The following ZSWIM6 variants were observed in gnomAD, a reference collection of about 807,000 sequenced individuals.
The protein encoded by ZSWIM6 is zinc finger SWIM-type containing 6, also known as zinc finger SWIM domain-containing protein 6.
ZSWIM6 carries 9 observed loss-of-function variants against 113.2 expected under a neutral mutation model. The ratio of observed to expected loss-of-function variants is 0.08; its 90% CI spans 0.05 to 0.14. The LOEUF (loss-of-function observed/expected upper bound fraction) is 0.14, where lower values mean the gene tolerates loss of function less well. Ranked by LOEUF, ZSWIM6 falls within the 10% of genes least tolerant of loss-of-function variation. The pLI is 1.00. For missense variants in ZSWIM6, 1,162 were observed against 1,552.2 expected (o/e 0.75, Z 4.22); for synonymous variants, 611 against 606.5 (o/e 1.01, Z -0.11).
chr5:61,413,670 C>G (rs532913990), intron 1 of ZSWIM6, among the ~76,000 whole-genome samples: 9 of 152,262 alleles, frequency 5.9e-5, no homozygotes, highest in African/African-American at 2.2e-4. Flanking sequence ...TTCTCCACAT[C>G]CTCTCCAGCC....
intron 2 of ZSWIM6, among the ~76,000 whole-genome samples, chr5:61,482,191 A>C (rs140762992): frequency 1.3e-5 from 2 of 152,258 alleles, no homozygotes; most frequent in Non-Finnish European, 2.9e-5. Flanking sequence ...GGCTTAGGCA[A>C]CATTGTAATG....
chr5:61,332,692 CAGCGGT>C lies in ZSWIM6; in HGVS notation c.421_426del (p.Ser141_Gly142del). The C allele has an allele frequency of 9.8e-7, 1 of 1,018,382 alleles. No homozygotes were observed. Among genetic ancestry groups the C allele is most frequent in the Non-Finnish European group, 1.2e-6 (1 of 845,824 alleles). The allele number at this position is 1,018,382 out of a possible 1,614,324, so 63.1% of individuals were successfully genotyped here. On this transcript the variant is annotated inframe_deletion, in exon 1 of 14. Coordinates refer to ENST00000252744, the MANE Select transcript of ZSWIM6 (RefSeq NM_020928.2). Reference sequence around the variant, plus strand: ...GCGCCGCGGGCGGCCCCGGCGACGACAGCGGTGGCGGCGGCGGCGCGGGCGGCGGCG... The same window carrying C: ...GCGCCGCGGGCGGCCCCGGCGACGACGGCGGCGGCGGCGCGGGCGGCGGCG...
At chr5:61,385,343 G>A (rs1300857600) in intron 1 of ZSWIM6, among the ~76,000 whole-genome samples, 1 of 152,144 alleles carries the variant, frequency 6.6e-6, no homozygotes, top group Non-Finnish European at 1.5e-5. Context: ...GGAAATTCTC[G>A]GCTCACTCTT....
chr5:61,396,363 C>G (rs980237732), intron 1 of ZSWIM6, among the ~76,000 whole-genome samples: 5 of 151,884 alleles, frequency 3.3e-5, no homozygotes, highest in African/African-American at 1.2e-4. Context: ...GAAACCCTGT[C>G]TCTACTAAAA....
chr5:61,411,518 G>T (rs1450449441), intron 1 of ZSWIM6, among the ~76,000 whole-genome samples: 2 of 152,158 alleles, frequency 1.3e-5, no homozygotes, highest in Admixed American at 6.5e-5. Flanking sequence ...AATTACTTTT[G>T]TCTAGTTAAC....
intron 1 of ZSWIM6, among the ~76,000 whole-genome samples, chr5:61,352,942 T>A (rs1448755845): frequency 6.6e-6 from 1 of 152,190 alleles, no homozygotes; most frequent in Non-Finnish European, 1.5e-5. Flanking sequence ...CTGTGTTTGG[T>A]CATGGGGGCA....
At chr5:61,388,209 C>T (rs912684961) in intron 1 of ZSWIM6, among the ~76,000 whole-genome samples, 14 of 151,978 alleles carry the variant, frequency 9.2e-5, no homozygotes, top group African/African-American at 3.4e-4. Flanking sequence ...TCTCAAACTC[C>T]TGGCCTCATG....
intron 1 of ZSWIM6, among the ~76,000 whole-genome samples, chr5:61,459,699 A>G (rs1456193283): frequency 5.9e-5 from 9 of 152,294 alleles, no homozygotes; most frequent in Admixed American, 2.0e-4. Flanking sequence ...CATTCACTCA[A>G]TAAGTATTCA....
At chr5:61,398,809 T>G (rs1406707181) in intron 1 of ZSWIM6, among the ~76,000 whole-genome samples, 1 of 151,904 alleles carries the variant, frequency 6.6e-6, no homozygotes, top group African/African-American at 2.4e-5. Flanking sequence ...ATTTGTGTAC[T>G]GGTGTCATTA....
chr5:61,526,478 C>T, intron 7 of ZSWIM6, 82 bp downstream of exon 7: 1 of 1,449,234 alleles, frequency 6.9e-7, no homozygotes, highest in Non-Finnish European at 9.3e-7. Context: ...GGAGAGATGG[C>T]TTTTAGAACT....
intron 1 of ZSWIM6, among the ~76,000 whole-genome samples, chr5:61,335,286 A>G (rs938711602): frequency 1.3e-5 from 2 of 152,234 alleles, no homozygotes; most frequent in Non-Finnish European, 2.9e-5. Flanking sequence ...GTGCTATACA[A>G]ATTGTGGAAA....
chr5:61,529,406 ATT>A (rs1210907089), intron 7 of ZSWIM6, among the ~76,000 whole-genome samples: 1 of 152,244 alleles, frequency 6.6e-6, no homozygotes, highest in Non-Finnish European at 1.5e-5. Flanking sequence ...ATAATCGTCT[ATT>A]ATCATTCCCC....
At chr5:61,487,176 A>T (rs1748040062) in intron 2 of ZSWIM6, among the ~76,000 whole-genome samples, 1 of 151,944 alleles carries the variant, frequency 6.6e-6, no homozygotes, top group Non-Finnish European at 1.5e-5. Flanking sequence ...TATTCTTGTG[A>T]ATTTTGCGGA....
chr5:61,405,710 G>A (rs191128545), intron 1 of ZSWIM6, among the ~76,000 whole-genome samples: 4 of 152,338 alleles, frequency 2.6e-5, no homozygotes, highest in African/African-American at 9.6e-5. Flanking sequence ...TAGAAGAGTA[G>A]ATTAGAGACA....
chr5:61,390,884 C>A (rs1268668201), intron 1 of ZSWIM6: 3 of 893,068 alleles, frequency 3.4e-6, no homozygotes, highest in Non-Finnish European at 5.6e-6. Context: ...AGTCTTTCAG[C>A]ATGACAAAGT....
intron 1 of ZSWIM6, among the ~76,000 whole-genome samples, chr5:61,378,230 A>T (rs141633251): frequency 3.5e-4 from 53 of 152,388 alleles, no homozygotes; most frequent in Non-Finnish European, 6.6e-4. Context: ...AAAACACTGG[A>T]AACAAGCTAA....
intron 1 of ZSWIM6, among the ~76,000 whole-genome samples, chr5:61,468,573 A>G (rs368836044): frequency 5.9e-5 from 9 of 152,202 alleles, no homozygotes; most frequent in African/African-American, 1.4e-4. Context: ...GCAGCCCTAA[A>G]ACAGCTGGTC....
intron 4 of ZSWIM6, 102 bp from the exon 5 acceptor site, chr5:61,521,161 A>G: frequency 3.1e-6 from 2 of 647,342 alleles, no homozygotes; most frequent in Non-Finnish European, 4.2e-6. Flanking sequence ...AAATATATAA[A>G]TTACATTTTT....
intron 3 of ZSWIM6, among the ~76,000 whole-genome samples, chr5:61,492,735 A>G (rs1246260738): frequency 6.6e-6 from 1 of 152,148 alleles, no homozygotes; most frequent in African/African-American, 2.4e-5. Flanking sequence ...GATTCAGGGT[A>G]GAAGTGCTTT....
Sources: allele counts gnomAD v4.1 joint callset (sites outside exome capture counted in the v4.1 genomes callset), GRCh38; gene constraint gnomAD v4.1.1; transcripts MANE v1.5; gene names NCBI Gene and HGNC (gene_info 2026-07-23, HGNC 2026-07-21).